The following TEAD1 variants were observed in gnomAD, a reference collection of about 807,000 sequenced individuals.
TEAD1 encodes the protein transcriptional enhancer factor TEF-1.
TEAD1 carries 9 observed loss-of-function variants against 54.9 expected under a neutral mutation model. The observed-to-expected ratio is 0.16, with a 90% CI of 0.10 to 0.29. TEAD1 has a LOEUF of 0.29. Among genes scored for constraint, TEAD1 ranks in the 10% least tolerant of loss-of-function variants. The pLI, the probability that TEAD1 is intolerant of heterozygous loss-of-function variation, is 1.00. For synonymous variants in TEAD1, 200 were observed against 187.8 expected, an observed-to-expected ratio of 1.07 and a Z score of -0.53; for missense variants, 387 against 535.9, an observed-to-expected ratio of 0.72 and a Z score of 2.74.
At chr11:12,783,182 GTTTTTGTGCCTTTTTT>G (rs1196339879) in intron 3 of TEAD1, among the ~76,000 whole-genome samples, 1 of 127,084 alleles carries the variant, frequency 7.9e-6, no homozygotes, top group Non-Finnish European at 1.6e-5. Context: ...CAGAGTTTTA[GTTTTTGTGCCTTTTTT>G]TTTTTTTTTT....
At chr11:12,678,208 A>C (rs1943137784) in intron 2 of TEAD1, among the ~76,000 whole-genome samples, 1 of 152,248 alleles carries the variant, frequency 6.6e-6, no homozygotes, top group African/African-American at 2.4e-5. Context: ...GTAGAACTGC[A>C]AGAAAATGCA....
intron 3 of TEAD1, among the ~76,000 whole-genome samples, chr11:12,783,922 C>G (rs1010572958): frequency 4.6e-5 from 7 of 152,056 alleles, no homozygotes; most frequent in African/African-American, 1.7e-4. Context: ...TCTGTGTATG[C>G]AGCATATACA....
chr11:12,700,568 A>G (rs560383999), intron 2 of TEAD1, among the ~76,000 whole-genome samples: 1 of 152,338 alleles, frequency 6.6e-6, no homozygotes, highest in South Asian at 2.1e-4. Context: ...AGTTTCTGCT[A>G]CCCTTTTAAA....
intron 3 of TEAD1, among the ~76,000 whole-genome samples, chr11:12,857,938 TG>T (rs1446426887): frequency 6.6e-6 from 1 of 151,932 alleles, no homozygotes; most frequent in African/African-American, 2.4e-5. Flanking sequence ...ATACAAAAGT[TG>T]GTCTGGTATG....
chr11:12,843,692 G>A (rs899527602), intron 3 of TEAD1, among the ~76,000 whole-genome samples: 1 of 152,190 alleles, frequency 6.6e-6, no homozygotes, highest in Non-Finnish European at 1.5e-5. Flanking sequence ...GTTTTAAAAA[G>A]TCTAGAGAAA....
chr11:12,933,710 G>GC (rs1949052155), intron 12 of TEAD1, among the ~76,000 whole-genome samples: 1 of 152,134 alleles, frequency 6.6e-6, no homozygotes, highest in Non-Finnish European at 1.5e-5. Context: ...CAGGTGCTGT[G>GC]CTAGACCCTT....
rs140256594 is a variant in TEAD1, at chr11:12,806,928, G to C, written c.202+42494G>C. On this transcript the variant is annotated intron_variant, in intron 3 of 12. Transcript: ENST00000527636. ...GGTTGGCTCCCATAGGCAAAATCTT[G>C]AGGCTGTTTGGGGCAAAAAAAATTA... is the stretch of plus-strand genomic sequence containing the variant. Among the ~76,000 whole-genome samples the C allele has an allele frequency of 1.4e-4, 22 of 152,284 alleles. No individual in the cohort carries two copies. The East Asian group carries it at 3.9e-3, about 27-fold the overall frequency.
chr11:12,794,941 T>C (rs3927025), intron 3 of TEAD1, among the ~76,000 whole-genome samples: 1 of 152,218 alleles, frequency 6.6e-6, no homozygotes, highest in African/African-American at 2.4e-5. Flanking sequence ...CACCTTCACC[T>C]GATTCAGTCT....
intron 5 of TEAD1, among the ~76,000 whole-genome samples, chr11:12,869,576 A>G (rs1947696016): frequency 6.6e-6 from 1 of 152,238 alleles, no homozygotes; most frequent in African/African-American, 2.4e-5. Flanking sequence ...AGGAGTGTGC[A>G]TCAAAATTAT....
intron 12 of TEAD1, among the ~76,000 whole-genome samples, chr11:12,934,372 A>G (rs1590003807): frequency 6.6e-6 from 1 of 151,976 alleles, no homozygotes; most frequent in South Asian, 2.1e-4. Flanking sequence ...GGAACATCAC[A>G]CACCGGGGCC....
At chr11:12,789,748 C>T (rs1003702987) in intron 3 of TEAD1, among the ~76,000 whole-genome samples, 8 of 152,218 alleles carry the variant, frequency 5.3e-5, no homozygotes, top group East Asian at 1.9e-4. Context: ...TGTGGAAGCC[C>T]GAGCTCAGTT....
chr11:12,702,014 C>A (rs1313003998), intron 2 of TEAD1, among the ~76,000 whole-genome samples: 1 of 152,218 alleles, frequency 6.6e-6, no homozygotes, highest in African/African-American at 2.4e-5. Context: ...TCATCCCCAG[C>A]CCTCTCTGGC....
chr11:12,728,997 G>T (rs1944368738), intron 2 of TEAD1, among the ~76,000 whole-genome samples: 1 of 152,230 alleles, frequency 6.6e-6, no homozygotes, highest in East Asian at 1.9e-4. Context: ...CTGGACTTTA[G>T]AAGTGCTTAC....
intron 2 of TEAD1, among the ~76,000 whole-genome samples, chr11:12,709,268 G>T (rs1943882908): frequency 6.6e-6 from 1 of 151,896 alleles, no homozygotes; most frequent in South Asian, 2.1e-4. Flanking sequence ...AACCCAGGAG[G>T]TGGAGGTCGC....
chr11:12,919,053 A>G (rs1589989242), intron 10 of TEAD1, among the ~76,000 whole-genome samples: 1 of 152,196 alleles, frequency 6.6e-6, no homozygotes, highest in Non-Finnish European at 1.5e-5. Flanking sequence ...GGCTCACTTG[A>G]TGAAAATTAA....
intron 9 of TEAD1, 130 bp from the exon 10 acceptor site, chr11:12,901,809 AG>A: frequency 9.9e-7 from 1 of 1,008,990 alleles, no homozygotes; most frequent in Non-Finnish European, 1.6e-6. Context: ...TCATTTCAAA[AG>A]CATTGATCCT....
At chr11:12,841,563 C>T (rs1000777088) in intron 3 of TEAD1, among the ~76,000 whole-genome samples, 1 of 152,190 alleles carries the variant, frequency 6.6e-6, no homozygotes, top group South Asian at 2.1e-4. Flanking sequence ...CTCCACATTC[C>T]CCCTCCAGGC....
chr11:12,916,469 A>G (rs146048693), intron 10 of TEAD1, among the ~76,000 whole-genome samples: 222 of 152,336 alleles, frequency 1.5e-3, no homozygotes, highest in African/African-American at 1.9e-3. Context: ...ATTGTGGTCA[A>G]TATTTCAAAT....
chr11:12,921,454 C>T (rs184911611), intron 10 of TEAD1, among the ~76,000 whole-genome samples: 237 of 150,916 alleles, frequency 1.6e-3, no homozygotes, highest in Non-Finnish European at 2.9e-3. Context: ...GCAGGAGAGT[C>T]GCTCAAACCC....
Sources: allele counts gnomAD v4.1 joint callset (sites outside exome capture counted in the v4.1 genomes callset), GRCh38; gene constraint gnomAD v4.1.1; transcripts MANE v1.5; gene names NCBI Gene and HGNC (gene_info 2026-07-23, HGNC 2026-07-21).